Variants in DSG4 observed in about 807,000 individuals in gnomAD.
The protein encoded by DSG4 is desmoglein 4, also known as desmoglein-4.
A neutral mutation model predicts 93.1 loss-of-function variants in DSG4; 87 were observed. The observed-to-expected ratio is 0.93, with a 90% CI of 0.79 to 1.12. The LOEUF (loss-of-function observed/expected upper bound fraction) is 1.12. DSG4 is among the 50% of genes most tolerant of loss of function. The pLI, the probability that DSG4 is intolerant of heterozygous loss-of-function variation, is 0.00. For synonymous variants in DSG4, 432 were observed against 452.9 expected, an observed-to-expected ratio of 0.95 and a Z score of 0.59; for missense variants, 1,373 against 1,285.7, an observed-to-expected ratio of 1.07 and a Z score of -1.04.
At chr18:31,408,519 C>CT (rs1378378666) in intron 12 of DSG4, among the ~76,000 whole-genome samples, 1 of 152,166 alleles carries the variant, frequency 6.6e-6, no homozygotes, top group Non-Finnish European at 1.5e-5. Flanking sequence ...GATTTTGCAA[C>CT]TTTGATAGTC....
intron 1 of DSG4, 45 bp from the exon 2 acceptor site, chr18:31,385,091 A>G (rs371192767): frequency 6.5e-7 from 1 of 1,544,744 alleles, no homozygotes; most frequent in Non-Finnish European, 8.9e-7. Context: ...GGCTTCCTCT[A>G]AATTATGCAA....
intron 1 of DSG4, among the ~76,000 whole-genome samples, chr18:31,380,096 G>C (rs573180871): frequency 4.0e-4 from 61 of 152,064 alleles, no homozygotes; most frequent in Non-Finnish European, 7.4e-4. Flanking sequence ...AGAGTCCATG[G>C]GGAGAACCTC....
rs1223615559 is a variant in DSG4 at position 31,413,771 on chromosome 18, G to A, written c.*176G>A. The A allele has an allele frequency of 2.5e-6, 2 of 815,722 alleles. No individual in the cohort carries two copies. The highest frequency in any genetic ancestry group is 3.7e-6 in the Non-Finnish European group (2 of 537,142). The allele number at this position is 815,722 out of a possible 1,614,324, so 50.5% of individuals were successfully genotyped here. A position where few individuals can be genotyped will look rare whatever the true frequency, so the allele number is the denominator to read the frequency against. On this transcript the variant is annotated 3_prime_UTR_variant, in exon 16 of 16. Coordinates refer to ENST00000308128, the MANE Select transcript of DSG4 (RefSeq NM_177986.5). Reference sequence around the variant, plus strand: ...AGGGTGAATATGGCTAGGCACTTTAGATAAGCCTTTTTAAAATTCTTTCTG... The same window carrying A: ...AGGGTGAATATGGCTAGGCACTTTAAATAAGCCTTTTTAAAATTCTTTCTG...
At chr18:31,411,009 G>T in intron 14 of DSG4, 1 of 1,345,198 alleles carries the variant, frequency 7.4e-7, no homozygotes, top group African/African-American at 1.5e-5. Flanking sequence ...AATGTGGGAA[G>T]GCCACGTCCC....
At chr18:31,394,257 G>A (rs370031627) in intron 8 of DSG4, among the ~76,000 whole-genome samples, 11 of 152,202 alleles carry the variant, frequency 7.2e-5, no homozygotes, top group African/African-American at 2.6e-4. Flanking sequence ...TATAGACCAA[G>A]GAAAGCTTTG....
chr18:31,412,831 G>A lies in DSG4; in HGVS notation c.2359G>A (p.Ala787Thr), dbSNP rs764063215. The A allele has an allele frequency of 3.2e-5, 51 of 1,614,012 alleles. No homozygotes were observed. The highest frequency in any genetic ancestry group is 1.6e-4 in the Middle Eastern group (1 of 6,082). Reference sequence around the variant, plus strand: ...CTGTATTTCCTTTTAATTTTAGAAAGCGTATGCTTATGCAGATGAAGATGA... The same window carrying A: ...CTGTATTTCCTTTTAATTTTAGAAAACGTATGCTTATGCAGATGAAGATGA... ...AFLDSYFSEKAYAYADEDEGR... is the reference protein window; with the variant it reads ...AFLDSYFSEKTYAYADEDEGR... Residue 787 changes from alanine (A) to threonine (T), a missense_variant, in exon 16 of 16, where the codon GCG (alanine) becomes ACG (threonine). Physicochemically the swap from Ala to Thr is moderately conservative, Grantham distance 58 (BLOSUM62 0). Transcript: ENST00000308128.
rs2072516949 is a variant in DSG4 at position 31,413,240 on chromosome 18, T to C, written c.2768T>C (p.Ile923Thr). 1 of 1,614,040 alleles carries C rather than the reference T, an allele frequency of 6.2e-7. No homozygotes were observed. The highest frequency in any genetic ancestry group is 1.1e-5 in the South Asian group (1 of 91,080). Residue 923 changes from isoleucine (I) to threonine (T), a missense_variant, in exon 16 of 16, where the codon ATT (isoleucine) becomes ACT (threonine). Transcript: ENST00000308128. ...NADPCVQPTT[I>T]IFDPQLAPNV... ...GATCCATGTGTGCAACCCACTACAA[T>C]TATTTTTGATCCTCAGCTTGCACCC...
In DSG4 at chr18:31,413,238, A is replaced by T; in HGVS notation, c.2766A>T (p.Thr922=). Residue 922 remains threonine, a synonymous_variant, in exon 16 of 16, where the codon ACA becomes ACT. Transcript: ENST00000308128. ...GNADPCVQPT[T]IIFDPQLAPN... is the part of the protein sequence containing the mutation. ...CTGATCCATGTGTGCAACCCACTACAATTATTTTTGATCCTCAGCTTGCAC... is the reference window on the plus strand; with the variant it reads ...CTGATCCATGTGTGCAACCCACTACTATTATTTTTGATCCTCAGCTTGCAC... The T allele has an allele frequency of 6.2e-7, 1 of 1,614,114 alleles. No individual in the cohort carries two copies. The highest frequency in any genetic ancestry group is 1.1e-5 in the South Asian group (1 of 91,082).
chr18:31,413,893 G>T lies in DSG4; in HGVS notation c.*298G>T. Reference sequence around the variant, plus strand: ...ATAACTCATATTGTGAATCCTATGGGTCTTGAGGCCTGTAGAACCAATCTT... The same window carrying T: ...ATAACTCATATTGTGAATCCTATGGTTCTTGAGGCCTGTAGAACCAATCTT... On this transcript the variant is annotated 3_prime_UTR_variant, in exon 16 of 16. Coordinates refer to ENST00000308128, the MANE Select transcript of DSG4 (RefSeq NM_177986.5). 1 of 287,314 alleles carries T rather than the reference G, an allele frequency of 3.5e-6. No individual in the cohort carries two copies. The allele number at this position is 287,314 out of a possible 1,614,324, so 17.8% of individuals were successfully genotyped here. A position where few individuals can be genotyped will look rare whatever the true frequency, so the allele number is the denominator to read the frequency against.
intron 8 of DSG4, among the ~76,000 whole-genome samples, chr18:31,396,145 A>G (rs969508753): frequency 6.6e-6 from 1 of 152,122 alleles, no homozygotes; most frequent in African/African-American, 2.4e-5. Flanking sequence ...ATATATACAT[A>G]TTTGACTTCA....
intron 1 of DSG4, 113 bp downstream of exon 1, chr18:31,377,072 GA>G: frequency 1.7e-6 from 2 of 1,172,446 alleles, no homozygotes; most frequent in Non-Finnish European, 2.5e-6. Context: ...TTCCTGCAAA[GA>G]GAGTTCTAGA....
intron 1 of DSG4, among the ~76,000 whole-genome samples, chr18:31,378,108 G>C (rs971803857): frequency 9.9e-5 from 15 of 152,264 alleles, no homozygotes; most frequent in African/African-American, 3.6e-4. Context: ...AGCTCAAAAG[G>C]GAACGTGACA....
rs2072463114 is a variant in DSG4 at position 31,409,543 on chromosome 18, A to G, written c.2025A>G (p.Glu675=). Residue 675 remains glutamate, a synonymous_variant, in exon 13 of 16, where the codon GAA becomes GAG. Transcript: ENST00000308128. Reference sequence around the variant, plus strand: ...TTGCTCCTGTGCCTGAGGGCGGAGAAGGAGTGATGCAGTCTTGGAGAATTG... The same window carrying G: ...TTGCTCCTGTGCCTGAGGGCGGAGAGGGAGTGATGCAGTCTTGGAGAATTG... ...TRFAPVPEGG[E]GVMQSWRIEG... 1 of 1,614,106 alleles carries G rather than the reference A, an allele frequency of 6.2e-7. No individual in the cohort carries two copies. The highest frequency in any genetic ancestry group is 8.5e-7 in the Non-Finnish European group (1 of 1,180,048).
At chr18:31,409,394 A>G in intron 12 of DSG4, 58 bp from the exon 13 acceptor site, 1 of 1,612,702 alleles carries the variant, frequency 6.2e-7, no homozygotes, top group Middle Eastern at 1.7e-4. Flanking sequence ...TGATTCATCC[A>G]GTGACTTCCT....
intron 1 of DSG4, among the ~76,000 whole-genome samples, chr18:31,378,403 A>G (rs1414966183): frequency 6.6e-6 from 1 of 152,186 alleles, no homozygotes; most frequent in East Asian, 1.9e-4. Context: ...CTGTAAGGAA[A>G]ATTGTATGTG....
In DSG4 at chr18:31,403,547, G is replaced by C. The variant is rs747997795; in HGVS notation, c.1549G>C (p.Glu517Gln). 11 of 1,613,898 alleles carry C rather than the reference G, an allele frequency of 6.8e-6. No individual in the cohort carries two copies. The highest frequency in any genetic ancestry group is 9.3e-6 in the Non-Finnish European group (11 of 1,179,978). The change falls in exon 11 of 16, where the codon GAA becomes CAA. Residue 517 changes from glutamate to glutamine, a missense_variant. By Grantham distance (29) the Glu-to-Gln change is conservative. Transcript: ENST00000308128. The part of the protein sequence containing the change: ...DSPSVLISVN[E>Q]HSYGSPFTFC... ...TCCATCAGTCCTTATCTCTGTTAATGAACATTCTTATGGGTCTCCGTTTAC... is the reference window on the plus strand; with the variant it reads ...TCCATCAGTCCTTATCTCTGTTAATCAACATTCTTATGGGTCTCCGTTTAC...
At chr18:31,412,287 G>C (rs1215155937) in intron 15 of DSG4, among the ~76,000 whole-genome samples, 2 of 152,198 alleles carry the variant, frequency 1.3e-5, no homozygotes, top group East Asian at 3.8e-4. Context: ...AATTTGACAT[G>C]TTCTCACTCA....
At position 31,391,166 on chromosome 18, in the gene DSG4, A is replaced by T. The variant is rs540804083; in HGVS notation, c.773A>T (p.Lys258Met). Residue 258 changes from lysine (K) to methionine (M), a missense_variant, in exon 7 of 16, where the codon AAG becomes ATG. Transcript: ENST00000308128. ...GLSSECDCRI[K>M]VLDVNDNFPT... is the part of the protein sequence containing the mutation. ...TCTTCTGAGTGTGACTGTAGAATCA[A>T]GGTTTTAGACGTCAACGATAATTTC... 1.2e-6 allele frequency: 2 copies of T among 1,613,766 alleles called. No homozygotes were observed. The highest frequency in any genetic ancestry group is 2.2e-5 in the South Asian group (2 of 91,064).
chr18:31,380,345 C>A (rs894046989), intron 1 of DSG4, among the ~76,000 whole-genome samples: 2 of 152,082 alleles, frequency 1.3e-5, no homozygotes, highest in Non-Finnish European at 2.9e-5. Context: ...TCTTAAGTAT[C>A]CAGGAAGGAG....
Sources: gnomAD v4.1 joint callset for allele counts (sites outside exome capture counted in the v4.1 genomes callset) on GRCh38, gnomAD v4.1.1 for gene constraint, MANE v1.5 for transcripts, NCBI Gene and HGNC (gene_info 2026-07-23, HGNC 2026-07-21) for gene names.